The following CELF2 variants were observed in gnomAD, a reference collection of about 807,000 sequenced individuals.
CELF2 encodes CUG triplet repeat RNA-binding protein 2.
In CELF2, 8 loss-of-function variants were observed where a neutral mutation model predicts 62.6. The ratio of observed to expected loss-of-function variants is 0.13; its 90% CI spans 0.07 to 0.23. The LOEUF is 0.23. CELF2 is among the 10% of genes least tolerant of loss of function. The pLI is 1.00. For synonymous variants in CELF2, 258 were observed against 250.0 expected (o/e 1.03, Z -0.30); for missense variants, 333 against 671.0 (o/e 0.50, Z 5.56).
At chr10:10,939,280 T>TGG (rs781074245) in intron 2 of CELF2, among the ~76,000 whole-genome samples, 4 of 148,956 alleles carry the variant, frequency 2.7e-5, no homozygotes, top group African/African-American at 1.0e-4. Flanking sequence ...TTTTGTGGTG[T>TGG]TGTTGTTGTT....
intron 1 of CELF2, among the ~76,000 whole-genome samples, chr10:10,847,794 G>A (rs1406540430): frequency 6.6e-6 from 1 of 152,170 alleles, no homozygotes; most frequent in Non-Finnish European, 1.5e-5. Context: ...CTTAGCCGTG[G>A]TTTTAGTTTT....
intron 2 of CELF2, among the ~76,000 whole-genome samples, chr10:11,185,612 C>T (rs942074575): frequency 6.6e-6 from 1 of 152,122 alleles, no homozygotes; most frequent in African/African-American, 2.4e-5. Context: ...GGGGGTTTCT[C>T]CATGTTGGTC....
upstream of CELF2, among the ~76,000 whole-genome samples, chr10:11,002,354 A>T (rs148111758): frequency 6.6e-6 from 1 of 152,252 alleles, no homozygotes; most frequent in East Asian, 1.9e-4. This position sits in a 1 kb window ranked among gnomAD's most constrained non-coding sequence, Gnocchi z 4.4. Flanking sequence ...TCAAGGTGAG[A>T]TTTGGGTGGG....
At chr10:11,077,808 T>C (rs2072549970) in intron 1 of CELF2, among the ~76,000 whole-genome samples, 1 of 152,124 alleles carries the variant, frequency 6.6e-6, no homozygotes, top group Non-Finnish European at 1.5e-5. Flanking sequence ...ATATCACTTT[T>C]ATGGACTCTA....
chr10:11,195,804 G>A (rs539611999), intron 2 of CELF2, among the ~76,000 whole-genome samples: 2 of 152,294 alleles, frequency 1.3e-5, no homozygotes, highest in South Asian at 4.1e-4. Context: ...CTGAGGCCTT[G>A]TTCCACGTGG....
the CELF2 span, among the ~76,000 whole-genome samples, chr10:10,654,181 C>G: frequency 2.9e-4 from 38 of 133,138 alleles, 1 homozygote; most frequent in East Asian, 7.1e-3. Flanking sequence ...GAAGTTGAAT[C>G]TCTGAATAGA....
chr10:10,714,594 A>T, the CELF2 span, among the ~76,000 whole-genome samples: 1 of 152,206 alleles, frequency 6.6e-6, no homozygotes, highest in African/African-American at 2.4e-5. Flanking sequence ...ACACAATAAA[A>T]GAAGATTATA....
chr10:10,594,390 T>C, the CELF2 span, among the ~76,000 whole-genome samples: 1 of 152,150 alleles, frequency 6.6e-6, no homozygotes, highest in Non-Finnish European at 1.5e-5. Flanking sequence ...GGACAGACAC[T>C]GTGCATTTAG....
intron 1 of CELF2, among the ~76,000 whole-genome samples, chr10:10,916,155 A>G (rs1351190661): frequency 6.6e-6 from 1 of 152,204 alleles, no homozygotes; most frequent in Admixed American, 6.5e-5. Context: ...CATGTCACTA[A>G]TTCAGATGAC....
Position 11,217,893 on chromosome 10 carries a change from A to G in CELF2, c.354+386A>G, listed in dbSNP as rs2063747069. 6.6e-6 allele frequency among the ~76,000 whole-genome samples: 1 copy of G among 152,236 alleles called. No homozygotes were observed. Among genetic ancestry groups the G allele is most frequent in the Non-Finnish European group, 1.5e-5 (1 of 68,028 alleles). On this transcript the variant is annotated intron_variant, in intron 3 of 12. Coordinates refer to ENST00000633077, the MANE Select transcript of CELF2 (RefSeq NM_001326342.2). This position sits in a 1 kb window ranked among gnomAD's most constrained non-coding sequence, Gnocchi z 5.6. ...GAGCTCCTTTTCAAATTTTGTCTTT[A>G]GATTTTCTTTTGAAAGGACAAAATG...
the CELF2 span, among the ~76,000 whole-genome samples, chr10:10,465,903 T>C: frequency 2.1e-4 from 32 of 152,128 alleles, no homozygotes; most frequent in Non-Finnish European, 4.4e-4. Flanking sequence ...CCCATGATTT[T>C]ATACCTTCTG....
At chr10:11,205,302 C>T (rs1198153872) in intron 2 of CELF2, among the ~76,000 whole-genome samples, 1 of 152,164 alleles carries the variant, frequency 6.6e-6, no homozygotes, top group Non-Finnish European at 1.5e-5. Context: ...GCTGCATTTC[C>T]GTATTGCATT....
the CELF2 span, among the ~76,000 whole-genome samples, chr10:10,551,333 C>A: frequency 6.6e-6 from 1 of 152,178 alleles, no homozygotes; most frequent in South Asian, 2.1e-4. Context: ...CAACACTAAC[C>A]AGGTGTACCC....
chr10:10,670,358 A>T, the CELF2 span, among the ~76,000 whole-genome samples: 1 of 152,186 alleles, frequency 6.6e-6, no homozygotes, highest in South Asian at 2.1e-4. Flanking sequence ...AACACTTACC[A>T]GTTGACCAAG....
intron 2 of CELF2, among the ~76,000 whole-genome samples, chr10:10,924,632 A>T (rs1564827739): frequency 6.6e-6 from 1 of 152,170 alleles, no homozygotes; most frequent in East Asian, 1.9e-4. Flanking sequence ...GGATTTTAGT[A>T]TAAACCAGTG....
chr10:11,111,942 G>A (rs567969868), intron 1 of CELF2, among the ~76,000 whole-genome samples: 32 of 152,366 alleles, frequency 2.1e-4, no homozygotes, highest in African/African-American at 7.5e-4. Flanking sequence ...GACAGTCAGT[G>A]CAACCTGTAT....
the CELF2 span, among the ~76,000 whole-genome samples, chr10:10,516,740 A>AAT: frequency 2.0e-5 from 3 of 151,364 alleles, no homozygotes; most frequent in South Asian, 4.2e-4. Context: ...TCATTAAAAA[A>AAT]AAAAAAAGCA....
At chr10:11,090,612 A>G (rs1011038229) in intron 1 of CELF2, among the ~76,000 whole-genome samples, 2 of 152,254 alleles carry the variant, frequency 1.3e-5, no homozygotes, top group African/African-American at 4.8e-5. Flanking sequence ...TTGAAAAATT[A>G]GAGGCAGCCT....
the CELF2 span, among the ~76,000 whole-genome samples, chr10:10,616,051 A>G: frequency 6.6e-6 from 1 of 152,090 alleles, no homozygotes; most frequent in Non-Finnish European, 1.5e-5. Context: ...TGTTTAATGA[A>G]GTGTATCTAA....
Sources: allele counts gnomAD v4.1 joint callset (sites outside exome capture counted in the v4.1 genomes callset), GRCh38; gene constraint gnomAD v4.1.1; non-coding constraint Gnocchi (gnomAD v3.1); transcripts MANE v1.5; gene names NCBI Gene and HGNC (gene_info 2026-07-23, HGNC 2026-07-21).